Variants in AP1AR observed in about 807,000 individuals in gnomAD.
AP1AR encodes the protein adaptor related protein complex 1 associated regulatory protein, also known as AP-1 complex-associated regulatory protein.
In AP1AR, 29 loss-of-function variants were observed where a neutral mutation model predicts 46.3. The observed-to-expected ratio is 0.63, with a 90% CI of 0.47 to 0.85. The LOEUF is 0.85. Among genes scored for constraint, AP1AR ranks in the 40% least tolerant of loss-of-function variants. The probability of loss-of-function intolerance (pLI) is 0.00; values close to 1 mark genes in which losing one functional copy is unlikely to be tolerated. For missense variants in AP1AR, 357 were observed against 356.3 expected, an observed-to-expected ratio of 1.00 and a Z score of -0.02; for synonymous variants, 122 against 122.9, an observed-to-expected ratio of 0.99 and a Z score of 0.05.
Position 112,268,232 on chromosome 4 carries a change from TG to T in AP1AR, c.734del (p.Gly245GlufsTer37). 6.2e-7 allele frequency: 1 copy of T among 1,612,964 alleles called. No individual in the cohort carries two copies. The highest frequency in any genetic ancestry group is 8.5e-7 in the Non-Finnish European group (1 of 1,179,306). ...CACTTAAGTATAGCAACAAGAAGAC[TG>T]GAAGTAATCCTACATCAGCCTCTGA... ...AALKYSNKKT[G>X]SNPTSASDDS... On this transcript the variant is annotated frameshift_variant, in exon 10 of 10. Transcript: ENST00000274000. LOFTEE classifies it high-confidence loss of function.
At chr4:112,256,560 A>G (rs576658891) in intron 3 of AP1AR, among the ~76,000 whole-genome samples, 1 of 152,144 alleles carries the variant, frequency 6.6e-6, no homozygotes, top group East Asian at 1.9e-4. Context: ...TCTCCTCTCT[A>G]ATTTACTTCA....
In AP1AR at chr4:112,265,082, AT is replaced by A. The variant is rs779005941; in HGVS notation, c.440+16del. 6.3e-7 allele frequency: 1 copy of A among 1,590,402 alleles called. No individual in the cohort carries two copies. The highest frequency in any genetic ancestry group is 1.1e-5 in the South Asian group (1 of 87,010). ...GAATATCAAAGGTAAATAGTGAAAC[AT>A]ATGCCTCCTTCCCTTTGTGGTAGAA... On this transcript the variant is annotated intron_variant, in intron 7 of 9. Coordinates refer to ENST00000274000, the MANE Select transcript of AP1AR (RefSeq NM_018569.6).
chr4:112,249,579 C>G (rs775217891), intron 1 of AP1AR, among the ~76,000 whole-genome samples: 2 of 151,670 alleles, frequency 1.3e-5, no homozygotes, highest in Non-Finnish European at 2.9e-5. Flanking sequence ...ATCGCTTGAA[C>G]CTGGGAGGTG....
In AP1AR at chr4:112,270,129, A is replaced by G. The variant is rs1483910464; in HGVS notation, c.*1720A>G. ...CTGATTCCTGACTTGTAATTATTTTATTAAATCTGATGTGAAGACAAAAGT... is the reference window on the plus strand; with the variant it reads ...CTGATTCCTGACTTGTAATTATTTTGTTAAATCTGATGTGAAGACAAAAGT... On this transcript the variant is annotated 3_prime_UTR_variant, in exon 10 of 10. Coordinates refer to ENST00000274000, the MANE Select transcript of AP1AR (RefSeq NM_018569.6). 1 of 152,630 alleles carries G rather than the reference A, an allele frequency of 6.6e-6. No homozygotes were observed. Among genetic ancestry groups the G allele is most frequent in the Non-Finnish European group, 1.5e-5 (1 of 68,006 alleles). The allele number at this position is 152,630 out of a possible 1,614,324, so 9.5% of individuals were successfully genotyped here.
At position 112,252,309 on chromosome 4, in the gene AP1AR, G is replaced by A. The variant is rs566173760; in HGVS notation, c.84-899G>A. 1.8e-4 allele frequency among the ~76,000 whole-genome samples: 27 copies of A among 152,308 alleles called. 5 individuals are homozygous for A. Among genetic ancestry groups the A allele is most frequent in the African/African-American group, 6.5e-4 (27 of 41,580 alleles). ...AGGATTCTCCTTGTTTCTTAAAAGT[G>A]TGCTTTCTGTCCATGAATCCTGATG... On this transcript the variant is annotated intron_variant, in intron 1 of 9. Coordinates refer to ENST00000274000, the MANE Select transcript of AP1AR (RefSeq NM_018569.6).
chr4:112,232,118 C>T lies in AP1AR; in HGVS notation c.27C>T (p.Cys9=), dbSNP rs755973607. The T allele has an allele frequency of 1.2e-5, 16 of 1,300,968 alleles. No individual in the cohort carries two copies. Among genetic ancestry groups the T allele is most frequent in the Non-Finnish European group, 1.6e-5 (16 of 1,016,372 alleles). The allele number at this position is 1,300,968 out of a possible 1,614,324, so 80.6% of individuals were successfully genotyped here. A position where few individuals can be genotyped will look rare whatever the true frequency, so the allele number is the denominator to read the frequency against. The part of the protein sequence containing the change: MGNCCWTQ[C]FGLLRKEAGR... ...TGGGGAACTGCTGCTGGACGCAGTG[C>T]TTCGGACTGCTTCGCAAGGAAGCGG... The change falls in exon 1 of 10, where the codon TGC becomes TGT. Residue 9 remains cysteine (C), a synonymous_variant. Transcript: ENST00000274000.
At chr4:112,253,388 GTGAAGAT>G in intron 2 of AP1AR, 132 bp downstream of exon 2, 1 of 681,552 alleles carries the variant, frequency 1.5e-6, no homozygotes, top group Non-Finnish European at 2.5e-6. Flanking sequence ...ATTCATGTTA[GTGAAGAT>G]TGAAAGAGTT....
chr4:112,257,503 T>A (rs1327162008), intron 3 of AP1AR, among the ~76,000 whole-genome samples: 1 of 152,198 alleles, frequency 6.6e-6, no homozygotes, highest in African/African-American at 2.4e-5. Context: ...CAAATATTTG[T>A]TAAAAAAAAT....
chr4:112,255,381 A>G (rs1460888257), intron 3 of AP1AR, among the ~76,000 whole-genome samples: 1 of 152,216 alleles, frequency 6.6e-6, no homozygotes, highest in African/African-American at 2.4e-5. Flanking sequence ...CTTGCCATTA[A>G]GTAGGTAAAA....
chr4:112,245,458 G>T (rs970499567), intron 1 of AP1AR, among the ~76,000 whole-genome samples: 2 of 152,160 alleles, frequency 1.3e-5, no homozygotes, highest in African/African-American at 4.8e-5. Context: ...ATGTTGAAAA[G>T]AGCTTACTTT....
At chr4:112,261,917 C>T (rs1231366695) in intron 5 of AP1AR, among the ~76,000 whole-genome samples, 2 of 149,318 alleles carry the variant, frequency 1.3e-5, no homozygotes, top group Non-Finnish European at 3.0e-5. Flanking sequence ...TATGGGAGGT[C>T]GAAGGGGAGC....
At chr4:112,232,590 G>A (rs1056336181) in intron 1 of AP1AR, among the ~76,000 whole-genome samples, 1 of 152,210 alleles carries the variant, frequency 6.6e-6, no homozygotes, top group African/African-American at 2.4e-5. Flanking sequence ...TGGCAGAGCA[G>A]GTGGGATCTG....
rs1879611 is a variant in AP1AR at position 112,271,910 on chromosome 4, A to G, written c.*3501A>G. On this transcript the variant is annotated 3_prime_UTR_variant, in exon 10 of 10. Coordinates refer to ENST00000274000, the MANE Select transcript of AP1AR (RefSeq NM_018569.6). The stretch of plus-strand genomic sequence containing the variant: ...CAGAAAAGCCCCACTAAGTGTTGAC[A>G]TTTAGAAGTTGGGGGTAGTGAAACA... Among the ~76,000 whole-genome samples the G allele has an allele frequency of 0.026, 3,985 of 152,272 alleles. 177 individuals carry two copies. Among genetic ancestry groups the G allele is most frequent in the East Asian group, 0.16 (826 of 5,174 alleles).
At chr4:112,266,920 A>C in intron 9 of AP1AR, 1 of 413,828 alleles carries the variant, frequency 2.4e-6, no homozygotes, top group Non-Finnish European at 4.2e-6. Flanking sequence ...ATGTTTCTTT[A>C]GATTTAGAAA....
At chr4:112,250,862 A>G (rs944816931) in intron 1 of AP1AR, among the ~76,000 whole-genome samples, 8 of 152,082 alleles carry the variant, frequency 5.3e-5, no homozygotes, top group Admixed American at 3.9e-4. Flanking sequence ...TGTTTTATTT[A>G]TTGCTATTCT....
At chr4:112,256,441 C>T (rs1464629307) in intron 3 of AP1AR, among the ~76,000 whole-genome samples, 2 of 152,198 alleles carry the variant, frequency 1.3e-5, no homozygotes, top group Admixed American at 1.3e-4. Context: ...GAATTCATCC[C>T]AGCATCGTAA....
intron 4 of AP1AR, among the ~76,000 whole-genome samples, chr4:112,258,136 T>C (rs6843207): frequency 0.62 from 94,017 of 151,912 alleles, 30,765 homozygotes; most frequent in African/African-American, 0.83. Flanking sequence ...CTAAAACTTA[T>C]TCTACTAAAT....
intron 1 of AP1AR, among the ~76,000 whole-genome samples, chr4:112,243,689 G>A (rs555683102): frequency 2.6e-5 from 4 of 152,142 alleles, no homozygotes; most frequent in South Asian, 2.1e-4. Flanking sequence ...CTGTTGATGG[G>A]CATTTAGATC....
chr4:112,246,657 A>G (rs1725738710), intron 1 of AP1AR, among the ~76,000 whole-genome samples: 2 of 152,248 alleles, frequency 1.3e-5, no homozygotes, highest in South Asian at 4.1e-4. Context: ...TCAAGGAACT[A>G]TATAGTACTT....
Sources: gnomAD v4.1 joint callset for allele counts (sites outside exome capture counted in the v4.1 genomes callset) on GRCh38, gnomAD v4.1.1 for gene constraint, MANE v1.5 for transcripts, NCBI Gene and HGNC (gene_info 2026-07-23, HGNC 2026-07-21) for gene names.